Variants in EEF1AKMT1 observed in about 807,000 individuals in gnomAD.
EEF1AKMT1 encodes the protein EEF1A lysine methyltransferase 1, also known as N-6 adenine-specific DNA methyltransferase 2 (putative).
Under a neutral mutation model 21.0 loss-of-function variants are expected in EEF1AKMT1, and 18 were observed. The ratio of observed to expected loss-of-function variants is 0.86; its 90% CI spans 0.59 to 1.27. The LOEUF (loss-of-function observed/expected upper bound fraction) is 1.27, where lower values mean the gene tolerates loss of function less well. Among genes scored for constraint, EEF1AKMT1 ranks in the 50% most tolerant of loss-of-function variants. The probability of loss-of-function intolerance (pLI) is 0.00; values close to 1 mark genes in which losing one functional copy is unlikely to be tolerated. For missense variants in EEF1AKMT1, 246 were observed against 258.6 expected (o/e 0.95, Z 0.33); for synonymous variants, 109 against 94.8 (o/e 1.15, Z -0.87).
At chr13:20,730,312 C>G (rs939332485) in intron 4 of EEF1AKMT1, among the ~76,000 whole-genome samples, 2 of 152,194 alleles carry the variant, frequency 1.3e-5, no homozygotes, top group Non-Finnish European at 2.9e-5. Context: ...CCTTCCCACA[C>G]ACGCAGCTCT....
intron 2 of EEF1AKMT1, among the ~76,000 whole-genome samples, chr13:20,741,264 G>T (rs1186385388): frequency 6.6e-6 from 1 of 151,684 alleles, no homozygotes; most frequent in Non-Finnish European, 1.5e-5. Context: ...TCTGAGTTTG[G>T]AACCCAGAGT....
chr13:20,766,654 T>C (rs549577643), intron 1 of EEF1AKMT1, among the ~76,000 whole-genome samples: 18 of 152,048 alleles, frequency 1.2e-4, no homozygotes, highest in Middle Eastern at 3.4e-3. Flanking sequence ...AAATCCTGTC[T>C]CAACTAAAAA....
intron 2 of EEF1AKMT1, chr13:20,747,744 C>T (rs1389157716): frequency 2.6e-5 from 4 of 153,374 alleles, no homozygotes; most frequent in African/African-American, 4.8e-5. Flanking sequence ...GGATTACAGG[C>T]GTGAGCCACC....
intron 4 of EEF1AKMT1, among the ~76,000 whole-genome samples, chr13:20,729,685 G>A (rs914973264): frequency 6.6e-6 from 1 of 151,946 alleles, no homozygotes; most frequent in South Asian, 2.1e-4. Flanking sequence ...GGCCCACAGC[G>A]CACAGCCAGC....
intron 1 of EEF1AKMT1, among the ~76,000 whole-genome samples, chr13:20,764,630 G>A (rs9579947): frequency 0.19 from 29,165 of 151,804 alleles, 3,592 homozygotes; most frequent in African/African-American, 0.35. Flanking sequence ...GGATTTGTCT[G>A]TTTCCTTTCA....
chr13:20,752,113 C>G (rs1156303445), intron 2 of EEF1AKMT1, among the ~76,000 whole-genome samples: 1 of 152,090 alleles, frequency 6.6e-6, no homozygotes, highest in African/African-American at 2.4e-5. Context: ...TTGACTTCCT[C>G]TTTTCCAATT....
At chr13:20,749,257 T>C (rs74036432) in intron 2 of EEF1AKMT1, among the ~76,000 whole-genome samples, 152 of 152,306 alleles carry the variant, frequency 1.0e-3, no homozygotes, top group African/African-American at 2.9e-3. Context: ...ACATATTGGA[T>C]ATCCTATCAC....
chr13:20,754,922 C>T (rs1243679362), intron 2 of EEF1AKMT1, among the ~76,000 whole-genome samples: 3 of 151,450 alleles, frequency 2.0e-5, no homozygotes, highest in Non-Finnish European at 4.4e-5. Context: ...AAAAATTGGC[C>T]ACTTATGGTT....
chr13:20,761,296 A>T (rs2059000600), intron 1 of EEF1AKMT1, among the ~76,000 whole-genome samples: 1 of 152,200 alleles, frequency 6.6e-6, no homozygotes, highest in South Asian at 2.1e-4. Flanking sequence ...TCTCCGTTTC[A>T]ATAATTTTGT....
At chr13:20,731,379 C>T (rs551345556) in intron 4 of EEF1AKMT1, among the ~76,000 whole-genome samples, 21 of 152,258 alleles carry the variant, frequency 1.4e-4, no homozygotes, top group Non-Finnish European at 1.8e-4. Context: ...GGTGGGAGGA[C>T]GGCTTAGCCC....
At chr13:20,752,581 A>T (rs1242256199) in intron 2 of EEF1AKMT1, among the ~76,000 whole-genome samples, 1 of 151,968 alleles carries the variant, frequency 6.6e-6, no homozygotes, top group Non-Finnish European at 1.5e-5. Flanking sequence ...GTCTATATTC[A>T]TCTGGGATAC....
chr13:20,749,515 T>C (rs190778563), intron 2 of EEF1AKMT1, among the ~76,000 whole-genome samples: 33 of 152,354 alleles, frequency 2.2e-4, no homozygotes, highest in Non-Finnish European at 1.5e-5. Context: ...GTCAATGTAA[T>C]GAGACTTGTC....
intron 1 of EEF1AKMT1, among the ~76,000 whole-genome samples, chr13:20,761,422 C>T (rs1369205702): frequency 6.6e-6 from 1 of 152,140 alleles, no homozygotes; most frequent in African/African-American, 2.4e-5. Context: ...CTTTTTATTG[C>T]TGAGTAGTAA....
chr13:20,736,733 C>CTTCTT (rs2058828315), intron 3 of EEF1AKMT1, among the ~76,000 whole-genome samples: 1 of 87,070 alleles, frequency 1.1e-5, no homozygotes, highest in African/African-American at 4.6e-5. Context: ...AACCATTTGA[C>CTTCTT]TTTTTTTTTT....
intron 4 of EEF1AKMT1, 91 bp downstream of exon 4, chr13:20,731,749 AG>A: frequency 7.7e-7 from 1 of 1,300,738 alleles, no homozygotes; most frequent in South Asian, 1.4e-5. Context: ...CAAGTCACAC[AG>A]GAAGTGGTGG....
At chr13:20,748,726 G>GTTTTTTTTT (rs750094631) in intron 2 of EEF1AKMT1, among the ~76,000 whole-genome samples, 34 of 72,610 alleles carry the variant, frequency 4.7e-4, no homozygotes, top group African/African-American at 1.5e-3. Context: ...TTTTTTTTTG[G>GTTTTTTTTT]TTTTTTTTTT....
At chr13:20,756,426 C>T (rs1237621380) in intron 2 of EEF1AKMT1, among the ~76,000 whole-genome samples, 3 of 152,142 alleles carry the variant, frequency 2.0e-5, no homozygotes, top group Non-Finnish European at 4.4e-5. Context: ...TCCTTCTCAT[C>T]AATTTTTCAA....
chr13:20,754,165 G>A (rs2058958413), intron 2 of EEF1AKMT1, among the ~76,000 whole-genome samples: 1 of 152,118 alleles, frequency 6.6e-6, no homozygotes, highest in Non-Finnish European at 1.5e-5. Flanking sequence ...CTGGTCTAGA[G>A]GTGATGAATT....
intron 1 of EEF1AKMT1, among the ~76,000 whole-genome samples, chr13:20,765,140 A>G (rs530518602): frequency 6.6e-6 from 1 of 152,142 alleles, no homozygotes; most frequent in African/African-American, 2.4e-5. Context: ...GGGCACCTGT[A>G]ATCCCAGCTA....
Sources: gnomAD v4.1 joint callset for allele counts (sites outside exome capture counted in the v4.1 genomes callset) on GRCh38, gnomAD v4.1.1 for gene constraint, MANE v1.5 for transcripts, NCBI Gene and HGNC (gene_info 2026-07-23, HGNC 2026-07-21) for gene names.